ARB2A: variants seen among roughly 807,000 people sequenced by gnomAD.
ARB2A encodes the protein ARB2 cotranscriptional regulator A, also known as cotranscriptional regulator ARB2A.
the ARB2A span, among the ~76,000 whole-genome samples, chr5:93,687,994 G>A: frequency 3.3e-5 from 5 of 149,526 alleles, no homozygotes; most frequent in African/African-American, 4.9e-5. Flanking sequence ...TTTTCTTTGA[G>A]ATAGAGTCTT....
At chr5:94,051,581 C>T in the ARB2A span, among the ~76,000 whole-genome samples, 1 of 152,200 alleles carries the variant, frequency 6.6e-6, no homozygotes, top group Non-Finnish European at 1.5e-5. Context: ...CCTTTCCTCT[C>T]ATTGGATAGC....
At chr5:93,830,115 AC>A in the ARB2A span, among the ~76,000 whole-genome samples, 1 of 151,690 alleles carries the variant, frequency 6.6e-6, no homozygotes, top group Non-Finnish European at 1.5e-5. Context: ...AATACTGAAC[AC>A]CTCATCACCC....
At chr5:93,682,424 T>A in the ARB2A span, among the ~76,000 whole-genome samples, 1 of 151,900 alleles carries the variant, frequency 6.6e-6, no homozygotes, top group Admixed American at 6.6e-5. Context: ...TTTTTAGATA[T>A]AAAATTTCCC....
chr5:93,774,708 T>C, the ARB2A span, among the ~76,000 whole-genome samples: 1 of 152,204 alleles, frequency 6.6e-6, no homozygotes, highest in Non-Finnish European at 1.5e-5. Flanking sequence ...GGCTGTGATA[T>C]GCCTTATGGA....
the ARB2A span, among the ~76,000 whole-genome samples, chr5:94,040,888 T>C: frequency 1.3e-5 from 2 of 152,134 alleles, no homozygotes; most frequent in South Asian, 2.1e-4. Context: ...GAGGAGCTAA[T>C]GTCTATGTTT....
chr5:93,636,836 TATTC>T, the ARB2A span, among the ~76,000 whole-genome samples: 1 of 152,272 alleles, frequency 6.6e-6, no homozygotes, highest in Non-Finnish European at 1.5e-5. Context: ...TAGACTCATT[TATTC>T]ATTAATTCAT....
the ARB2A span, among the ~76,000 whole-genome samples, chr5:93,832,634 T>C: frequency 6.6e-6 from 1 of 152,226 alleles, no homozygotes; most frequent in Non-Finnish European, 1.5e-5. Context: ...GTTACAGTCC[T>C]ACCCCTGGTC....
the ARB2A span, among the ~76,000 whole-genome samples, chr5:93,795,144 GGGCTGT>G: frequency 6.6e-6 from 1 of 152,042 alleles, no homozygotes; most frequent in African/African-American, 2.4e-5. Flanking sequence ...ATGGGGGGTG[GGGCTGT>G]GTTTACCAGT....
At chr5:93,865,678 C>T in the ARB2A span, 1 of 985,326 alleles carries the variant, frequency 1.0e-6, no homozygotes. Flanking sequence ...ATCTAAAGAT[C>T]TACCTCTTCT....
the ARB2A span, among the ~76,000 whole-genome samples, chr5:93,918,303 G>A: frequency 3.3e-5 from 5 of 152,068 alleles, no homozygotes; most frequent in African/African-American, 4.8e-5. Context: ...TTGTGTATAC[G>A]CATGTGTAAA....
At chr5:94,096,214 A>G in the ARB2A span, among the ~76,000 whole-genome samples, 47 of 152,254 alleles carry the variant, frequency 3.1e-4, no homozygotes, top group East Asian at 9.1e-3. Flanking sequence ...CTAACCATCA[A>G]TCTTTTCACA....
At chr5:94,010,161 CT>C in the ARB2A span, among the ~76,000 whole-genome samples, 28 of 151,974 alleles carry the variant, frequency 1.8e-4, no homozygotes, top group Non-Finnish European at 2.2e-4. Context: ...AACCTTTCTA[CT>C]TTTTTAATAA....
At chr5:93,832,087 G>C in the ARB2A span, among the ~76,000 whole-genome samples, 1 of 152,084 alleles carries the variant, frequency 6.6e-6, no homozygotes, top group African/African-American at 2.4e-5. Context: ...ATATAGAAAA[G>C]GAATCAACCT....
At chr5:93,741,321 G>A in the ARB2A span, 3 of 1,613,168 alleles carry the variant, frequency 1.9e-6, no homozygotes, top group Non-Finnish European at 2.5e-6. Context: ...CTCCAAGACG[G>A]GGCCTGCAGG....
chr5:93,733,889 T>G, the ARB2A span: 1 of 152,202 alleles, frequency 6.6e-6, no homozygotes, highest in Non-Finnish European at 1.5e-5. Context: ...TGAATAGATT[T>G]TGCCAAGAAA....
chr5:93,747,396 GT>G, the ARB2A span, among the ~76,000 whole-genome samples: 17 of 151,746 alleles, frequency 1.1e-4, no homozygotes, highest in Non-Finnish European at 1.9e-4. Flanking sequence ...TCACACTGAT[GT>G]TTTTTTTCTG....
chr5:93,841,488 G>A, the ARB2A span, among the ~76,000 whole-genome samples: 1 of 152,130 alleles, frequency 6.6e-6, no homozygotes, highest in Non-Finnish European at 1.5e-5. Context: ...AGCATCTGTG[G>A]ATTTTGGTAT....
chr5:93,958,949 T>C, the ARB2A span: 1 of 1,595,696 alleles, frequency 6.3e-7, no homozygotes, highest in East Asian at 2.2e-5. Context: ...ACTCTTTGGT[T>C]CACTCTCAGT....
chr5:94,092,512 C>G, the ARB2A span, among the ~76,000 whole-genome samples: 1 of 152,134 alleles, frequency 6.6e-6, no homozygotes, highest in Non-Finnish European at 1.5e-5. Flanking sequence ...CACATAACTC[C>G]AAGTCTTATT....
Sources: allele counts gnomAD v4.1 joint callset (sites outside exome capture counted in the v4.1 genomes callset), GRCh38; gene constraint gnomAD v4.1.1; transcripts MANE v1.5; gene names NCBI Gene and HGNC (gene_info 2026-07-23, HGNC 2026-07-21).